LINGO2: variants seen among roughly 807,000 people sequenced by gnomAD.
LINGO2 encodes leucine rich repeat and Ig domain containing 2, also known as leucine-rich repeat and immunoglobulin-like domain-containing nogo receptor-interacting protein 2.
A neutral mutation model predicts 30.6 loss-of-function variants in LINGO2; 14 were observed. The ratio of observed to expected loss-of-function variants is 0.46; its 90% CI spans 0.30 to 0.72. LINGO2 has a LOEUF of 0.72. Ranked by LOEUF, LINGO2 falls within the 30% of genes least tolerant of loss-of-function variation. The pLI, the probability that LINGO2 is intolerant of heterozygous loss-of-function variation, is 0.07. For synonymous variants in LINGO2, 317 were observed against 288.5 expected (o/e 1.10, Z -1.00); for missense variants, 729 against 751.7 (o/e 0.97, Z 0.35).
At chr9:29,045,918 T>G in the LINGO2 span, among the ~76,000 whole-genome samples, 2 of 152,172 alleles carry the variant, frequency 1.3e-5, no homozygotes, top group Non-Finnish European at 2.9e-5. Context: ...TGAATGGGAT[T>G]GTGTTTCTGA....
chr9:28,712,824 GAA>G, the LINGO2 span, among the ~76,000 whole-genome samples: 1 of 151,970 alleles, frequency 6.6e-6, no homozygotes. Flanking sequence ...AATTTAAAAA[GAA>G]AGTGTATTAC....
the LINGO2 span, among the ~76,000 whole-genome samples, chr9:29,188,925 C>T: frequency 6.7e-6 from 1 of 148,150 alleles, no homozygotes; most frequent in Non-Finnish European, 1.5e-5. Context: ...AGGCGCCCCT[C>T]ACCTCCCGGA....
At chr9:28,545,192 G>A (rs896130278) in intron 1 of LINGO2, among the ~76,000 whole-genome samples, 22 of 152,000 alleles carry the variant, frequency 1.4e-4, no homozygotes, top group Admixed American at 1.3e-4. Flanking sequence ...GACCGATAAG[G>A]ATTTTAACTG....
At chr9:28,556,436 C>A (rs1033913975) in intron 1 of LINGO2, among the ~76,000 whole-genome samples, 1 of 152,054 alleles carries the variant, frequency 6.6e-6, no homozygotes, top group African/African-American at 2.4e-5. Flanking sequence ...ATCCAACTTA[C>A]AAGGGATGTG....
At chr9:28,629,867 A>T (rs62547112) in intron 1 of LINGO2, among the ~76,000 whole-genome samples, 11,878 of 151,690 alleles carry the variant, frequency 0.078, 648 homozygotes, top group Admixed American at 0.2. Context: ...ATTTTCTACT[A>T]ACTTAAAAAG....
At chr9:28,579,796 T>C (rs559518489) in intron 1 of LINGO2, among the ~76,000 whole-genome samples, 2 of 152,202 alleles carry the variant, frequency 1.3e-5, no homozygotes, top group Admixed American at 6.6e-5. Flanking sequence ...GAAATAATGA[T>C]GAATTGGCTT....
chr9:28,318,173 C>T (rs1171337498), intron 3 of LINGO2, among the ~76,000 whole-genome samples: 1 of 152,178 alleles, frequency 6.6e-6, no homozygotes, highest in Non-Finnish European at 1.5e-5. Context: ...ACTCAAAGCA[C>T]TTCTGTCCTT....
the LINGO2 span, among the ~76,000 whole-genome samples, chr9:28,716,415 G>C: frequency 6.6e-6 from 1 of 151,902 alleles, no homozygotes; most frequent in Non-Finnish European, 1.5e-5. Context: ...TTATGACAAG[G>C]GGACAGGGAA....
At chr9:28,699,233 C>G in the LINGO2 span, among the ~76,000 whole-genome samples, 2 of 151,916 alleles carry the variant, frequency 1.3e-5, no homozygotes, top group African/African-American at 4.8e-5. Context: ...ATTATAATAT[C>G]ATATGGACTG....
intron 4 of LINGO2, among the ~76,000 whole-genome samples, chr9:28,228,575 A>C (rs1821250329): frequency 6.6e-6 from 1 of 152,030 alleles, no homozygotes; most frequent in Non-Finnish European, 1.5e-5. Flanking sequence ...AGTTCCAGAA[A>C]TATATCATCT....
At chr9:28,812,048 A>G in the LINGO2 span, among the ~76,000 whole-genome samples, 1 of 150,924 alleles carries the variant, frequency 6.6e-6, no homozygotes, top group Non-Finnish European at 1.5e-5. Context: ...CAGAGTTTTA[A>G]CCTTTGGCTT....
the LINGO2 span, among the ~76,000 whole-genome samples, chr9:28,849,144 T>C: frequency 2.0e-5 from 3 of 146,704 alleles, no homozygotes; most frequent in African/African-American, 7.6e-5. Flanking sequence ...CACCAGTAGG[T>C]ACACTTGGTA....
chr9:28,876,070 T>G, the LINGO2 span, among the ~76,000 whole-genome samples: 4 of 152,088 alleles, frequency 2.6e-5, no homozygotes, highest in Admixed American at 2.0e-4. Flanking sequence ...TAAACCATGT[T>G]AACATAACTC....
chr9:27,976,662 C>T (rs999944510), intron 5 of LINGO2, among the ~76,000 whole-genome samples: 1 of 152,042 alleles, frequency 6.6e-6, no homozygotes, highest in Non-Finnish European at 1.5e-5. Context: ...CTGGTTCCAT[C>T]ATCTCTACTT....
chr9:29,081,278 T>C, the LINGO2 span, among the ~76,000 whole-genome samples: 1 of 152,062 alleles, frequency 6.6e-6, no homozygotes. Flanking sequence ...TGGTTCAACA[T>C]ACACAAATCA....
chr9:28,453,231 C>G (rs1824717116), intron 2 of LINGO2, among the ~76,000 whole-genome samples: 1 of 151,820 alleles, frequency 6.6e-6, no homozygotes, highest in Non-Finnish European at 1.5e-5. Context: ...TCCCTACTCT[C>G]AAGAAATTCA....
the LINGO2 span, among the ~76,000 whole-genome samples, chr9:28,809,217 A>G: frequency 0.15 from 22,417 of 152,264 alleles, 1,847 homozygotes; most frequent in East Asian, 0.33. Context: ...TACATGTACC[A>G]AAGTTCTTAA....
At chr9:29,070,356 T>C in the LINGO2 span, among the ~76,000 whole-genome samples, 1 of 152,098 alleles carries the variant, frequency 6.6e-6, no homozygotes, top group African/African-American at 2.4e-5. Flanking sequence ...AAGAAAACCG[T>C]AAAGTTGTTG....
At chr9:28,706,002 T>C in the LINGO2 span, among the ~76,000 whole-genome samples, 1 of 152,128 alleles carries the variant, frequency 6.6e-6, no homozygotes, top group Non-Finnish European at 1.5e-5. Context: ...TCCTTACTTT[T>C]GTGACTGGAA....
Sources: gnomAD v4.1 joint callset for allele counts (sites outside exome capture counted in the v4.1 genomes callset) on GRCh38, gnomAD v4.1.1 for gene constraint, MANE v1.5 for transcripts, NCBI Gene and HGNC (gene_info 2026-07-23, HGNC 2026-07-21) for gene names.